Variants in NBL1 observed in about 807,000 individuals in gnomAD.
NBL1 encodes the protein neuroblastoma suppressor of tumorigenicity 1.
In NBL1, 9 loss-of-function variants were observed where a neutral mutation model predicts 16.0. That is an observed-to-expected ratio of 0.56 (90% confidence interval 0.34 to 0.98). The LOEUF (loss-of-function observed/expected upper bound fraction) is 0.98. NBL1 is among the 50% of genes least tolerant of loss of function. The pLI is 0.02. For synonymous variants in NBL1, 86 were observed against 100.7 expected, an observed-to-expected ratio of 0.85 and a Z score of 0.87; for missense variants, 196 against 243.1, an observed-to-expected ratio of 0.81 and a Z score of 1.29.
At chr1:19,645,757 C>T (rs2094975423) in intron 1 of NBL1, 1 of 1,380,106 alleles carries the variant, frequency 7.2e-7, no homozygotes, top group Admixed American at 2.9e-5. Context: ...GGACCTCTCT[C>T]CCGGGCCTGT....
rs369170734 is a variant in NBL1, at chr1:19,655,273, A to C, written c.171-51A>C. 2,045 of 1,612,584 alleles carry C rather than the reference A, an allele frequency of 1.3e-3. 2 individuals are homozygous for C. The highest frequency in any genetic ancestry group is 1.6e-3 in the Non-Finnish European group (1,917 of 1,179,194). ...GGGAGGAAGAGGACCAGGGCTGCCC[A>C]TCCCTGCCTCCCCAACAGTGACACA... On this transcript the variant is annotated intron_variant, in intron 2 of 3. Transcript: ENST00000375136.
chr1:19,653,638 G>A (rs1310565828), intron 1 of NBL1, among the ~76,000 whole-genome samples: 1 of 152,242 alleles, frequency 6.6e-6, no homozygotes, highest in African/African-American at 2.4e-5. Context: ...TCATTTTACA[G>A]GTGGTGGGGA....
In NBL1 at chr1:19,644,990, G is replaced by A. The variant is rs1357013642; in HGVS notation, c.-20+544G>A. Among the ~76,000 whole-genome samples the A allele has an allele frequency of 1.3e-5, 2 of 151,804 alleles. No homozygotes were observed. The highest frequency in any genetic ancestry group is 4.9e-5 in the African/African-American group (2 of 41,086). ...CCTGCCTCCGTGTTCGGCTGCCCGC[G>A]TTTGTGTCTCTGCCTCTGGCTTTTC... On this transcript the variant is annotated intron_variant, in intron 1 of 3. Coordinates refer to ENST00000375136, the MANE Select transcript of NBL1 (RefSeq NM_005380.8). This position sits in a 1 kb window ranked among gnomAD's most constrained non-coding sequence, Gnocchi z 4.6.
At position 19,644,346 on chromosome 1, in the gene NBL1, C is replaced by G; in HGVS notation, c.-120C>G. On this transcript the variant is annotated 5_prime_UTR_variant, in exon 1 of 4. Transcript: ENST00000375136. This position sits in a 1 kb window ranked among gnomAD's most constrained non-coding sequence, Gnocchi z 4.6. ...CGCAGCGCAGCCCAGCCGAGCGTCG[C>G]GGGGCCGCCCCCCGCCCTGCCGGCC... The G allele has an allele frequency of 1.0e-6, 1 of 978,800 alleles. No homozygotes were observed. Among genetic ancestry groups the G allele is most frequent in the Non-Finnish European group, 1.2e-6 (1 of 827,128 alleles). 60.6% of individuals were successfully genotyped at this position (978,800 alleles called of 1,614,324 possible). A position where few individuals can be genotyped will look rare whatever the true frequency, so the allele number is the denominator to read the frequency against.
At position 19,644,853 on chromosome 1, in the gene NBL1, C is replaced by T. The variant is rs1039931578; in HGVS notation, c.-20+407C>T. On this transcript the variant is annotated intron_variant, in intron 1 of 3. Transcript: ENST00000375136. This position sits in a 1 kb window ranked among gnomAD's most constrained non-coding sequence, Gnocchi z 4.6. ...CGCGCCTCTCGGCTCTGGACGTTTC[C>T]GCCTCCCGCGGCCCCCTCTGCTTCG... 6.6e-6 allele frequency among the ~76,000 whole-genome samples: 1 copy of T among 152,118 alleles called. No individual in the cohort carries two copies. Among genetic ancestry groups the T allele is most frequent in the African/African-American group, 2.4e-5 (1 of 41,444 alleles).
At position 19,644,658 on chromosome 1, in the gene NBL1, G is replaced by A. The variant is rs1429419034; in HGVS notation, c.-20+212G>A. Among the ~76,000 whole-genome samples the A allele has an allele frequency of 6.6e-6, 1 of 151,572 alleles. No homozygotes were observed. Among genetic ancestry groups the A allele is most frequent in the East Asian group, 1.9e-4 (1 of 5,148 alleles). On this transcript the variant is annotated intron_variant, in intron 1 of 3. Transcript: ENST00000375136. The surrounding 1 kb of genome is among the most constrained non-coding windows in gnomAD (Gnocchi z 4.6). ...GCTGGGGACGTGGGCGCGGCACGGG[G>A]TGGCCGGGGGGCACCGCCGCGTCCG... is the stretch of plus-strand genomic sequence containing the variant.
rs1348765868 is a variant in NBL1, at chr1:19,655,317, C to T, written c.171-7C>T. On this transcript the variant is annotated splice_polypyrimidine_tract_variant and splice_region_variant and intron_variant, in intron 2 of 3. Coordinates refer to ENST00000375136, the MANE Select transcript of NBL1 (RefSeq NM_005380.8). ...TGACACAGGCATGGTGACCTCTCCT[C>T]CCACAGGGCGTGCCTAGGACAGTGC... 5 of 1,613,750 alleles carry T rather than the reference C, an allele frequency of 3.1e-6. No individual in the cohort carries two copies. The highest frequency in any genetic ancestry group is 4.2e-6 in the Non-Finnish European group (5 of 1,179,844).
Position 19,644,968 on chromosome 1 carries a change from G to A in NBL1, c.-20+522G>A, listed in dbSNP as rs1269962122. On this transcript the variant is annotated intron_variant, in intron 1 of 3. Transcript: ENST00000375136. This position sits in a 1 kb window ranked among gnomAD's most constrained non-coding sequence, Gnocchi z 4.6. ...GCCCGTCTCTTTCCGTTCCCCGCCT[G>A]CCTCCGTGTTCGGCTGCCCGCGTTT... 1.3e-5 allele frequency among the ~76,000 whole-genome samples: 2 copies of A among 152,154 alleles called. No individual in the cohort carries two copies. The highest frequency in any genetic ancestry group is 6.5e-5 in the Admixed American group (1 of 15,282).
chr1:19,655,259 G>A (rs1034778238), intron 2 of NBL1, 59 bp downstream of exon 2: 96 of 1,611,010 alleles, frequency 6.0e-5, no homozygotes, highest in Non-Finnish European at 7.7e-5. Context: ...GGAGGAAGAG[G>A]ACCAGGGCTG....
chr1:19,655,750 C>T (rs1053988470), intron 3 of NBL1, among the ~76,000 whole-genome samples: 9 of 152,220 alleles, frequency 5.9e-5, no homozygotes, highest in African/African-American at 2.2e-4. Flanking sequence ...GTCCCGAGAA[C>T]CTGGCATGGC....
chr1:19,649,856 G>A (rs2095012399), intron 1 of NBL1, among the ~76,000 whole-genome samples: 1 of 151,812 alleles, frequency 6.6e-6, no homozygotes, highest in South Asian at 2.1e-4. Context: ...AGATGGGATC[G>A]TCTTATGTTG....
chr1:19,645,989 T>C (rs765860187), intron 1 of NBL1: 24 of 1,550,130 alleles, frequency 1.5e-5, no homozygotes, highest in Middle Eastern at 3.3e-4. Context: ...TTAGCATGGA[T>C]TTGTTTTGGA....
rs1302010711 is a variant in NBL1, at chr1:19,655,961, T to C, written c.282+526T>C. Among the ~76,000 whole-genome samples the C allele has an allele frequency of 2.9e-4, 44 of 152,196 alleles. 1 individual carries two copies. The highest frequency in any genetic ancestry group is 8.8e-5 in the Non-Finnish European group (6 of 68,036). ...TCACTTCTATTCATTCTTCTGCCCT[T>C]GGCCCAAGCAGCGTTTCCTCAGGGC... On this transcript the variant is annotated intron_variant, in intron 3 of 3. Transcript: ENST00000375136.
chr1:19,645,807 G>C (rs944485885), intron 1 of NBL1: 11 of 1,450,818 alleles, frequency 7.6e-6, no homozygotes, highest in Non-Finnish European at 9.1e-6. Flanking sequence ...GTTCTGCATC[G>C]GCCAGGGATA....
intron 1 of NBL1, among the ~76,000 whole-genome samples, chr1:19,647,875 G>A (rs888287990): frequency 2.1e-5 from 3 of 145,594 alleles, no homozygotes; most frequent in African/African-American, 8.1e-5. Flanking sequence ...GCGTGTGTGT[G>A]TGTGTGTGCG....
chr1:19,647,052 T>C (rs1283861887), intron 1 of NBL1, among the ~76,000 whole-genome samples: 1 of 152,198 alleles, frequency 6.6e-6, no homozygotes, highest in Admixed American at 6.5e-5. Context: ...TTAACTATGA[T>C]GGGCGATCTC....
At position 19,655,327 on chromosome 1, in the gene NBL1, G is replaced by C. The variant is rs374084909; in HGVS notation, c.174G>C (p.Ala58=). 6.2e-7 allele frequency: 1 copy of C among 1,613,916 alleles called. No homozygotes were observed. Among genetic ancestry groups the C allele is most frequent in the South Asian group, 1.1e-5 (1 of 91,078 alleles). Residue 58 remains alanine, a synonymous_variant, in exon 3 of 4, where the codon GCG becomes GCC. Coordinates refer to ENST00000375136, the MANE Select transcript of NBL1 (RefSeq NM_005380.8). ...ATGGTGACCTCTCCTCCCACAGGGC[G>C]TGCCTAGGACAGTGCTTCAGCTACA... is the stretch of plus-strand genomic sequence containing the variant. ...GCEAKSIQNR[A]CLGQCFSYSV...
intron 1 of NBL1, among the ~76,000 whole-genome samples, chr1:19,653,248 T>C (rs1232165193): frequency 7.5e-6 from 1 of 132,736 alleles, no homozygotes; most frequent in Non-Finnish European, 1.5e-5. Context: ...ATCGTGCCAC[T>C]GCACTCCAGC....
upstream of NBL1, chr1:19,644,053 G>A (rs1277395620): frequency 2.0e-6 from 2 of 978,164 alleles, no homozygotes; most frequent in Non-Finnish European, 2.4e-6. This position sits in a 1 kb window ranked among gnomAD's most constrained non-coding sequence, Gnocchi z 4.6. Context: ...CCTCTCGGGC[G>A]CCGGCCAGGC....
Sources: allele counts gnomAD v4.1 joint callset (sites outside exome capture counted in the v4.1 genomes callset), GRCh38; gene constraint gnomAD v4.1.1; non-coding constraint Gnocchi (gnomAD v3.1); transcripts MANE v1.5; gene names NCBI Gene and HGNC (gene_info 2026-07-23, HGNC 2026-07-21).